The following MOXD1 variants were observed in gnomAD, a reference collection of about 807,000 sequenced individuals.
The protein encoded by MOXD1 is DBH-like monooxygenase protein 1.
In MOXD1, 62 loss-of-function variants were observed where a neutral mutation model predicts 66.6. The ratio of observed to expected loss-of-function variants is 0.93; its 90% CI spans 0.76 to 1.15. MOXD1 has a LOEUF of 1.15. Ranked by LOEUF, MOXD1 falls within the 50% of genes most tolerant of loss-of-function variation. The pLI is 0.00. For missense variants in MOXD1, 847 were observed against 754.6 expected, an observed-to-expected ratio of 1.12 and a Z score of -1.44; for synonymous variants, 303 against 281.9, an observed-to-expected ratio of 1.07 and a Z score of -0.75.
chr6:132,356,446 T>C (rs1236334584), intron 4 of MOXD1, among the ~76,000 whole-genome samples: 1 of 152,198 alleles, frequency 6.6e-6, no homozygotes, highest in Admixed American at 6.5e-5. Flanking sequence ...AGTGTGTGAA[T>C]TTTATAAAGT....
At chr6:132,355,127 G>A (rs1381108843) in intron 4 of MOXD1, among the ~76,000 whole-genome samples, 4 of 152,116 alleles carry the variant, frequency 2.6e-5, no homozygotes, top group African/African-American at 9.7e-5. Flanking sequence ...CGTGGAGTCT[G>A]CACACCAGAT....
At chr6:132,341,430 A>T (rs1775560161) in intron 4 of MOXD1, among the ~76,000 whole-genome samples, 1 of 152,216 alleles carries the variant, frequency 6.6e-6, no homozygotes, top group Non-Finnish European at 1.5e-5. Context: ...AGCAACACAG[A>T]CTAAGACATG....
At chr6:132,319,773 A>G (rs1026839365) in intron 9 of MOXD1, among the ~76,000 whole-genome samples, 15 of 151,908 alleles carry the variant, frequency 9.9e-5, no homozygotes, top group African/African-American at 3.6e-4. Context: ...TATTTGCTAT[A>G]GCTTTTTCAT....
chr6:132,357,800 T>G (rs1775938026), intron 4 of MOXD1, among the ~76,000 whole-genome samples: 1 of 152,142 alleles, frequency 6.6e-6, no homozygotes, highest in Non-Finnish European at 1.5e-5. Flanking sequence ...TTTCATATTT[T>G]GAAGGAGAGA....
At chr6:132,386,526 C>A (rs1157740095) in intron 1 of MOXD1, among the ~76,000 whole-genome samples, 6 of 150,082 alleles carry the variant, frequency 4.0e-5, no homozygotes, top group Admixed American at 4.0e-4. Context: ...TATCCAGAGA[C>A]CAGGCAAACT....
At chr6:132,387,751 T>TAAAAA (rs56728324) in intron 1 of MOXD1, among the ~76,000 whole-genome samples, 3 of 69,516 alleles carry the variant, frequency 4.3e-5, no homozygotes, top group African/African-American at 1.0e-4. Flanking sequence ...AAACTCCATC[T>TAAAAA]AAAAAAAAAA....
chr6:132,332,053 C>T (rs1775330904), intron 4 of MOXD1, among the ~76,000 whole-genome samples: 1 of 152,172 alleles, frequency 6.6e-6, no homozygotes, highest in South Asian at 2.1e-4. Context: ...CTCATGGCCT[C>T]CCTGCCACTC....
chr6:132,323,802 C>T (rs374730434), intron 7 of MOXD1, 129 bp downstream of exon 7: 29 of 1,009,014 alleles, frequency 2.9e-5, no homozygotes, highest in African/African-American at 1.3e-4. Flanking sequence ...ACTAAAATTG[C>T]GATAAGGGTT....
intron 10 of MOXD1, among the ~76,000 whole-genome samples, chr6:132,311,506 T>C (rs1000131609): frequency 6.6e-6 from 1 of 151,834 alleles, no homozygotes; most frequent in African/African-American, 2.4e-5. Context: ...TGACCTAAAA[T>C]TGAAACATAC....
chr6:132,384,280 TC>T (rs1448963175), intron 1 of MOXD1, among the ~76,000 whole-genome samples: 1 of 111,952 alleles, frequency 8.9e-6, no homozygotes, highest in Admixed American at 9.4e-5. Flanking sequence ...CTTCCTTCCT[TC>T]CTTCCTTCCT....
chr6:132,318,779 G>A (rs986682873), intron 9 of MOXD1, among the ~76,000 whole-genome samples: 15 of 151,802 alleles, frequency 9.9e-5, no homozygotes, highest in Non-Finnish European at 1.8e-4. Flanking sequence ...TTCTTCCAGC[G>A]GTTTTAAATT....
intron 4 of MOXD1, among the ~76,000 whole-genome samples, chr6:132,344,061 A>G (rs1256904029): frequency 6.6e-6 from 1 of 152,248 alleles, no homozygotes; most frequent in East Asian, 1.9e-4. Flanking sequence ...TCATATGTAT[A>G]GACAATTTCA....
At chr6:132,302,560 C>A (rs1341895962) in intron 10 of MOXD1, among the ~76,000 whole-genome samples, 1 of 151,994 alleles carries the variant, frequency 6.6e-6, no homozygotes, top group Non-Finnish European at 1.5e-5. Flanking sequence ...AATGAAAGAA[C>A]AGTAAATAAG....
chr6:132,343,003 A>G (rs1248930499), intron 4 of MOXD1, among the ~76,000 whole-genome samples: 1 of 152,212 alleles, frequency 6.6e-6, no homozygotes, highest in Non-Finnish European at 1.5e-5. Flanking sequence ...TCACAGAACG[A>G]CAAAGGAGAC....
At chr6:132,394,122 T>A (rs760791485) in intron 1 of MOXD1, among the ~76,000 whole-genome samples, 50 of 152,190 alleles carry the variant, frequency 3.3e-4, no homozygotes, top group Non-Finnish European at 4.0e-4. Flanking sequence ...CCACCTAATG[T>A]CCTAGTTCCC....
intron 7 of MOXD1, 95 bp downstream of exon 7, chr6:132,323,836 A>T: frequency 7.6e-7 from 1 of 1,308,624 alleles, no homozygotes; most frequent in Non-Finnish European, 1.0e-6. Context: ...ACAAGAAAGG[A>T]ATCGATAATA....
At chr6:132,392,418 T>C in intron 1 of MOXD1, 1 of 1,386,412 alleles carries the variant, frequency 7.2e-7, no homozygotes. Flanking sequence ...GTTGCTCTCT[T>C]CTCTAATTCA....
intron 10 of MOXD1, among the ~76,000 whole-genome samples, chr6:132,315,131 A>C (rs910354540): frequency 3.9e-5 from 6 of 152,240 alleles, no homozygotes; most frequent in African/African-American, 9.6e-5. Flanking sequence ...ATGGAATTTT[A>C]GTAAGTGGTA....
rs9402397 is a variant in MOXD1, at chr6:132,340,514, A to G, written c.664-11920T>C. ...AATTTTAATTCGGCTATCTGGAAAA[A>G]TATACATATAAAACAAAGCATTCCC... On this transcript the variant is annotated intron_variant, in intron 4 of 11. Coordinates refer to ENST00000367963, the MANE Select transcript of MOXD1 (RefSeq NM_015529.4). Among the ~76,000 whole-genome samples the G allele has an allele frequency of 0.044, 6,616 of 150,868 alleles. 665 individuals are homozygous for G. In the East Asian group the frequency reaches 0.44, roughly 10 times the overall value.
Sources: allele counts gnomAD v4.1 joint callset (sites outside exome capture counted in the v4.1 genomes callset), GRCh38; gene constraint gnomAD v4.1.1; transcripts MANE v1.5; gene names NCBI Gene and HGNC (gene_info 2026-07-23, HGNC 2026-07-21).